Variants in LRRTM4 observed in about 807,000 individuals in gnomAD.
LRRTM4 encodes leucine rich repeat transmembrane neuronal 4.
Under a neutral mutation model 47.6 loss-of-function variants are expected in LRRTM4, and 25 were observed. The observed-to-expected ratio is 0.53, with a 90% CI of 0.38 to 0.73. The LOEUF (loss-of-function observed/expected upper bound fraction) is 0.73. Among genes scored for constraint, LRRTM4 ranks in the 30% least tolerant of loss-of-function variants. The pLI, the probability that LRRTM4 is intolerant of heterozygous loss-of-function variation, is 0.00. For synonymous variants in LRRTM4, 311 were observed against 269.5 expected (o/e 1.15, Z -1.51); for missense variants, 638 against 713.4 (o/e 0.89, Z 1.20).
intron 3 of LRRTM4, among the ~76,000 whole-genome samples, chr2:77,223,969 G>C (rs931096062): frequency 6.6e-6 from 1 of 151,984 alleles, no homozygotes; most frequent in African/African-American, 2.4e-5. Context: ...ATGCTACAAG[G>C]CTACAGTAAC....
At chr2:77,009,282 A>G (rs779434348) in intron 3 of LRRTM4, 1 of 152,156 alleles carries the variant, frequency 6.6e-6, no homozygotes, top group Non-Finnish European at 1.5e-5. Flanking sequence ...TCTGTAAGAA[A>G]TACTATTTTC....
At chr2:77,135,221 T>C (rs1671902207) in intron 3 of LRRTM4, among the ~76,000 whole-genome samples, 1 of 152,152 alleles carries the variant, frequency 6.6e-6, no homozygotes, top group African/African-American at 2.4e-5. Context: ...TACTCATAGG[T>C]TGAATAGCAT....
intron 3 of LRRTM4, among the ~76,000 whole-genome samples, chr2:77,447,361 C>T (rs1443155485): frequency 6.6e-6 from 1 of 151,978 alleles, no homozygotes; most frequent in Admixed American, 6.6e-5. Flanking sequence ...TATATTTGCT[C>T]ATGTGCAATT....
chr2:77,313,376 G>A (rs436659), intron 3 of LRRTM4, among the ~76,000 whole-genome samples: 1,674 of 82,578 alleles, frequency 0.02, 19 homozygotes, highest in African/African-American at 0.038. Context: ...ACCCTTCCCT[G>A]GGACCTGGTG....
At chr2:77,124,317 A>G (rs1339468020) in intron 3 of LRRTM4, among the ~76,000 whole-genome samples, 1 of 152,072 alleles carries the variant, frequency 6.6e-6, no homozygotes, top group African/African-American at 2.4e-5. Context: ...AACAGGAACC[A>G]AGTTAAATAC....
At chr2:76,926,067 A>T (rs558475946) in intron 3 of LRRTM4, among the ~76,000 whole-genome samples, 4 of 152,252 alleles carry the variant, frequency 2.6e-5, no homozygotes, top group African/African-American at 7.2e-5. Context: ...CTGACAATTC[A>T]TTTAGGAGTT....
chr2:77,482,934 A>AAG (rs1677766621), intron 3 of LRRTM4, among the ~76,000 whole-genome samples: 1 of 151,752 alleles, frequency 6.6e-6, no homozygotes, highest in Non-Finnish European at 1.5e-5. Flanking sequence ...CATCCTGGCC[A>AAG]ACATGGTAAA....
chr2:77,047,759 T>C (rs2103760534), intron 3 of LRRTM4, among the ~76,000 whole-genome samples: 1 of 152,190 alleles, frequency 6.6e-6, no homozygotes, highest in South Asian at 2.1e-4. Context: ...GGATTAGGAT[T>C]TTATCATCTG....
chr2:76,832,283 T>G (rs1320004631), intron 3 of LRRTM4, among the ~76,000 whole-genome samples: 4 of 152,022 alleles, frequency 2.6e-5, no homozygotes, highest in African/African-American at 9.7e-5. Context: ...TAGAATATGT[T>G]GAATATAAAG....
chr2:77,287,234 G>T (rs2104116303), intron 3 of LRRTM4, among the ~76,000 whole-genome samples: 1 of 152,056 alleles, frequency 6.6e-6, no homozygotes, highest in African/African-American at 2.4e-5. Context: ...ACTAGCACTT[G>T]TGTTTGGCTT....
chr2:77,039,400 G>A (rs537255868), intron 3 of LRRTM4, among the ~76,000 whole-genome samples: 6 of 150,486 alleles, frequency 4.0e-5, no homozygotes, highest in Admixed American at 2.0e-4. Flanking sequence ...TTTTAATCAA[G>A]CTCTGTTTAA....
At chr2:77,298,085 T>C (rs1677022196) in intron 3 of LRRTM4, among the ~76,000 whole-genome samples, 1 of 152,178 alleles carries the variant, frequency 6.6e-6, no homozygotes. Flanking sequence ...CTCTCACTTA[T>C]CCAAGATCAA....
intron 3 of LRRTM4, among the ~76,000 whole-genome samples, chr2:77,453,370 A>G (rs1676340957): frequency 6.6e-6 from 1 of 151,558 alleles, no homozygotes; most frequent in Non-Finnish European, 1.5e-5. Context: ...TTTAGTAGAG[A>G]CGGGGTTCAC....
At chr2:77,233,282 A>G (rs58920351) in intron 3 of LRRTM4, among the ~76,000 whole-genome samples, 7,751 of 152,260 alleles carry the variant, frequency 0.051, 650 homozygotes, top group African/African-American at 0.18. Context: ...CCTCTTTGGC[A>G]TAGTCCCAGC....
chr2:76,965,756 AC>A (rs1268129701), intron 3 of LRRTM4, among the ~76,000 whole-genome samples: 1 of 151,446 alleles, frequency 6.6e-6, no homozygotes, highest in Non-Finnish European at 1.5e-5. Context: ...GTACTTGAAA[AC>A]AAATTTATAT....
At chr2:76,919,029 G>C (rs1006123241) in intron 3 of LRRTM4, among the ~76,000 whole-genome samples, 1 of 152,248 alleles carries the variant, frequency 6.6e-6, no homozygotes, top group South Asian at 2.1e-4. Context: ...ACAAAATTCA[G>C]GAGAAACTAG....
At chr2:76,849,165 C>T (rs1671920616) in intron 3 of LRRTM4, among the ~76,000 whole-genome samples, 1 of 152,024 alleles carries the variant, frequency 6.6e-6, no homozygotes, top group East Asian at 1.9e-4. Flanking sequence ...AGTTGCTGTG[C>T]TTTGAGAGTA....
chr2:76,759,331 C>T (rs2104076710), intron 3 of LRRTM4, among the ~76,000 whole-genome samples: 1 of 152,276 alleles, frequency 6.6e-6, no homozygotes, highest in Non-Finnish European at 1.5e-5. Flanking sequence ...GCTCTCAGTG[C>T]ATCCCAGACA....
chr2:76,807,434 ATACG>A lies in LRRTM4; in HGVS notation c.1552-58522_1552-58519del, dbSNP rs199795965. Among the ~76,000 whole-genome samples the A allele has an allele frequency of 1.7e-3, 108 of 63,702 alleles. 2 individuals are homozygous for A. In the Middle Eastern group the frequency reaches 0.026, roughly 16 times the overall value. The allele number at this position is 63,702 out of a possible 152,430, so 41.8% of individuals were successfully genotyped here. ...TATATATATATATATACATATATAT[ATACG>A]TATATACATATATATATATACATAT... On this transcript the variant is annotated intron_variant, in intron 3 of 3. Coordinates refer to ENST00000409884, the MANE Select transcript of LRRTM4 (RefSeq NM_001134745.3).
Sources: gnomAD v4.1 joint callset for allele counts (sites outside exome capture counted in the v4.1 genomes callset) on GRCh38, gnomAD v4.1.1 for gene constraint, MANE v1.5 for transcripts, NCBI Gene and HGNC (gene_info 2026-07-23, HGNC 2026-07-21) for gene names.